PTAR1: variants seen among roughly 807,000 people sequenced by gnomAD.
PTAR1 encodes protein prenyltransferase alpha subunit repeat containing 1, also known as protein prenyltransferase alpha subunit repeat-containing protein 1.
PTAR1 carries 17 observed loss-of-function variants against 45.5 expected under a neutral mutation model. The ratio of observed to expected loss-of-function variants is 0.37; its 90% CI spans 0.26 to 0.56. The LOEUF is 0.56. PTAR1 is among the 20% of genes least tolerant of loss of function. PTAR1 has a pLI of 0.77. For missense variants in PTAR1, 391 were observed against 476.3 expected (o/e 0.82, Z 1.67); for synonymous variants, 169 against 171.3 (o/e 0.99, Z 0.11).
At chr9:69,757,911 T>C (rs1463541229) in intron 1 of PTAR1, 2 of 152,214 alleles carry the variant, frequency 1.3e-5, no homozygotes, top group African/African-American at 4.8e-5. Flanking sequence ...GGGGAATATG[T>C]ATTCAAATAT....
intron 5 of PTAR1, 23 bp from the exon 6 acceptor site, chr9:69,723,653 G>A: frequency 1.9e-6 from 3 of 1,546,448 alleles, no homozygotes; most frequent in Non-Finnish European, 2.6e-6. Context: ...AAAAAGGGAA[G>A]TAAGAAGAAG....
rs2134064084 is a variant in PTAR1, at chr9:69,715,409, G to T, written c.*2933C>A. On this transcript the variant is annotated 3_prime_UTR_variant, in exon 8 of 8. Coordinates refer to ENST00000340434, the MANE Select transcript of PTAR1 (RefSeq NM_001099666.2). Reference sequence around the variant, plus strand: ...AATATTTAATGAGTCCTCACAATGTGCAGGGCACAAGTAGAATCTGGAAAA... The same window carrying T: ...AATATTTAATGAGTCCTCACAATGTTCAGGGCACAAGTAGAATCTGGAAAA... 6.6e-6 allele frequency: 1 copy of T among 152,114 alleles called. No homozygotes were observed. Among genetic ancestry groups the T allele is most frequent in the Admixed American group, 6.6e-5 (1 of 15,246 alleles). 9.4% of individuals were successfully genotyped at this position (152,114 alleles called of 1,614,324 possible). A position where few individuals can be genotyped will look rare whatever the true frequency, so the allele number is the denominator to read the frequency against.
rs1412736019 is a variant in PTAR1 at position 69,752,260 on chromosome 9, G to C, written c.87-1310C>G. Among the ~76,000 whole-genome samples, 62 of 152,040 alleles carry C rather than the reference G, an allele frequency of 4.1e-4. 2 individuals carry two copies. Among genetic ancestry groups the C allele is most frequent in the Admixed American group, 3.4e-3 (52 of 15,254 alleles). ...TAGACCCAAAAGAGGGAAATTGGTTGAATTACAAAGTAGGAGAAACACCCT... is the reference window on the plus strand; with the variant it reads ...TAGACCCAAAAGAGGGAAATTGGTTCAATTACAAAGTAGGAGAAACACCCT... On this transcript the variant is annotated intron_variant, in intron 1 of 7. Transcript: ENST00000340434.
intron 2 of PTAR1, among the ~76,000 whole-genome samples, chr9:69,744,906 C>G (rs568261869): frequency 6.6e-6 from 1 of 152,252 alleles, no homozygotes; most frequent in African/African-American, 2.4e-5. Context: ...GACCACAGCA[C>G]AGAGGAGTGG....
In PTAR1 at chr9:69,760,005, G is replaced by C. The variant is rs1435253711; in HGVS notation, c.-67C>G. The C allele has an allele frequency of 4.6e-6, 6 of 1,309,708 alleles. No homozygotes were observed. In the African/African-American group the frequency reaches 9.5e-5, roughly 21 times the overall value. The allele number at this position is 1,309,708 out of a possible 1,614,324, so 81.1% of individuals were successfully genotyped here. A position where few individuals can be genotyped will look rare whatever the true frequency, so the allele number is the denominator to read the frequency against. ...GCCGGGCCGCCGGCGGGAGTTCCGCGGAGAACGAGCGCGCGCGCGCGCGCG... is the reference window on the plus strand; with the variant it reads ...GCCGGGCCGCCGGCGGGAGTTCCGCCGAGAACGAGCGCGCGCGCGCGCGCG... On this transcript the variant is annotated 5_prime_UTR_variant, in exon 1 of 8. Transcript: ENST00000340434.
chr9:69,727,636 T>C (rs941407379), intron 5 of PTAR1, among the ~76,000 whole-genome samples: 2 of 152,136 alleles, frequency 1.3e-5, no homozygotes, highest in Admixed American at 1.3e-4. Context: ...TAATGAAATA[T>C]GTACATATTA....
At chr9:69,741,900 C>T (rs745866588) in intron 2 of PTAR1, 42 bp from the exon 3 acceptor site, 3 of 1,233,678 alleles carry the variant, frequency 2.4e-6, no homozygotes, top group African/African-American at 1.5e-5. Context: ...ATAGTCCTAC[C>T]TTTTAAAGCT....
chr9:69,745,379 A>T (rs1479000369), intron 2 of PTAR1, among the ~76,000 whole-genome samples: 1 of 152,208 alleles, frequency 6.6e-6, no homozygotes, highest in Non-Finnish European at 1.5e-5. Flanking sequence ...AAATTAGCAT[A>T]GTCCCTTGGA....
In PTAR1 at chr9:69,723,721, CTTT is replaced by C. The variant is rs575420922; in HGVS notation, c.643-94_643-92del. On this transcript the variant is annotated intron_variant, in intron 5 of 7. Coordinates refer to ENST00000340434, the MANE Select transcript of PTAR1 (RefSeq NM_001099666.2). ...CCTCTGATTTCTCTTTGATTTGTTC[CTTT>C]TTTGACAAGACCATTCTTACCAATA... 297 of 1,016,620 alleles carry C rather than the reference CTTT, an allele frequency of 2.9e-4. 1 individual carries two copies. In the African/African-American group the frequency reaches 4.2e-3, roughly 14 times the overall value. The allele number at this position is 1,016,620 out of a possible 1,614,324, so 63.0% of individuals were successfully genotyped here. A position where few individuals can be genotyped will look rare whatever the true frequency, so the allele number is the denominator to read the frequency against.
In PTAR1 at chr9:69,732,273, T is replaced by A. The variant is rs775253849; in HGVS notation, c.508A>T (p.Thr170Ser). The stretch of plus-strand genomic sequence containing the variant: ...TGTATGAGTCGCTGTGCCCTTTCTG[T>A]GGGAATTGTTCCCAAGTTTCCTTTG... The part of the protein sequence containing the change: ...VTKGNLGTIP[T>S]ERAQRLIQEE... Residue 170 changes from threonine (T) to serine (S), a missense_variant, in exon 5 of 8, where the codon ACA (threonine) becomes TCA (serine). Thr to Ser is a moderately conservative substitution (Grantham distance 58, BLOSUM62 1). Coordinates refer to ENST00000340434, the MANE Select transcript of PTAR1 (RefSeq NM_001099666.2). 1.6e-5 allele frequency: 26 copies of A among 1,613,792 alleles called. No individual in the cohort carries two copies. Among genetic ancestry groups the A allele is most frequent in the Non-Finnish European group, 2.1e-5 (25 of 1,179,826 alleles).
chr9:69,759,697 G>A (rs1826992388), intron 1 of PTAR1, among the ~76,000 whole-genome samples, 156 bp downstream of exon 1: 1 of 152,104 alleles, frequency 6.6e-6, no homozygotes, highest in Non-Finnish European at 1.5e-5. Flanking sequence ...AGCGGCGGCC[G>A]ACAACGGTCC....
At chr9:69,724,470 C>G (rs1379764411) in intron 5 of PTAR1, among the ~76,000 whole-genome samples, 1 of 152,174 alleles carries the variant, frequency 6.6e-6, no homozygotes, top group African/African-American at 2.4e-5. Context: ...AGAGGATTTT[C>G]AGACCAGCTA....
intron 1 of PTAR1, among the ~76,000 whole-genome samples, chr9:69,755,166 G>A (rs1397032431): frequency 6.6e-6 from 1 of 152,148 alleles, no homozygotes; most frequent in Non-Finnish European, 1.5e-5. Flanking sequence ...AAGATCATAG[G>A]ATTTTTAAAG....
rs1824810447 is a variant in PTAR1 at position 69,718,263 on chromosome 9, A to C, written c.*79T>G. 2.3e-5 allele frequency: 22 copies of C among 951,416 alleles called. No homozygotes were observed. In the South Asian group the frequency reaches 3.3e-4, roughly 14 times the overall value. 58.9% of individuals were successfully genotyped at this position (951,416 alleles called of 1,614,324 possible). A position where few individuals can be genotyped will look rare whatever the true frequency, so the allele number is the denominator to read the frequency against. ...ATATGGTTAGCCAATAATAGTAAACAGTTCATGCAACTATGTAAATAATAA... is the reference window on the plus strand; with the variant it reads ...ATATGGTTAGCCAATAATAGTAAACCGTTCATGCAACTATGTAAATAATAA... On this transcript the variant is annotated 3_prime_UTR_variant, in exon 8 of 8. Coordinates refer to ENST00000340434, the MANE Select transcript of PTAR1 (RefSeq NM_001099666.2).
intron 5 of PTAR1, among the ~76,000 whole-genome samples, chr9:69,726,070 T>C (rs1230150977): frequency 6.6e-6 from 1 of 152,138 alleles, no homozygotes; most frequent in Non-Finnish European, 1.5e-5. Context: ...CTTTTAAAAA[T>C]AGTATTTGGG....
Position 69,759,854 on chromosome 9 carries a change from T to A in PTAR1, c.85A>T (p.Ile29Leu). The change falls in exon 1 of 8, where the codon ATA becomes TTA. Residue 29 changes from isoleucine (I) to leucine (L), a missense_variant and splice_region_variant. By Grantham distance (5) the Ile-to-Leu change is conservative. Around this residue, in one of 5 missense-constraint regions of PTAR1, gnomAD observed 152 missense variants for 160.0 expected, o/e 0.95. Coordinates refer to ENST00000340434, the MANE Select transcript of PTAR1 (RefSeq NM_001099666.2). The part of the protein sequence containing the change: ...ITNAFRRNPH[I>L]DEIGLIPCPE... ...AGGCGGCGGAGGCGCGCGACTCACA[T>A]GTGTGGGTTCCTCCTGAAGGCGTTA... 2.6e-6 allele frequency: 4 copies of A among 1,523,432 alleles called. No homozygotes were observed. The highest frequency in any genetic ancestry group is 3.5e-6 in the Non-Finnish European group (4 of 1,134,700). 94.4% of individuals were successfully genotyped at this position (1,523,432 alleles called of 1,614,324 possible). A position where few individuals can be genotyped will look rare whatever the true frequency, so the allele number is the denominator to read the frequency against.
At chr9:69,729,966 T>G (rs145493436) in intron 5 of PTAR1, among the ~76,000 whole-genome samples, 22 of 152,322 alleles carry the variant, frequency 1.4e-4, no homozygotes, top group African/African-American at 5.3e-4. Context: ...AAAAAGTCAT[T>G]TTCAATTTCC....
intron 2 of PTAR1, among the ~76,000 whole-genome samples, chr9:69,748,522 T>A (rs576202387): frequency 6.6e-6 from 1 of 152,150 alleles, no homozygotes; most frequent in South Asian, 2.1e-4. Context: ...AAAAAATCTA[T>A]CCCAGGAGTA....
intron 1 of PTAR1, among the ~76,000 whole-genome samples, chr9:69,755,892 C>T (rs537287365): frequency 5.3e-5 from 8 of 152,156 alleles, no homozygotes; most frequent in Admixed American, 6.5e-5. Context: ...TTGCCATGCA[C>T]GGTTAGGTTT....
Sources: allele counts gnomAD v4.1 joint callset (sites outside exome capture counted in the v4.1 genomes callset), GRCh38; gene constraint gnomAD v4.1.1; regional missense constraint gnomAD v4.1.1; transcripts MANE v1.5; gene names NCBI Gene and HGNC (gene_info 2026-07-23, HGNC 2026-07-21).